LRP1B: variants seen among roughly 807,000 people sequenced by gnomAD.
LRP1B encodes the protein LDL receptor related protein 1B.
LRP1B carries 217 observed loss-of-function variants against 556.6 expected under a neutral mutation model. That is an observed-to-expected ratio of 0.39 (90% CI 0.35 to 0.44). LRP1B has a LOEUF of 0.44. LRP1B is among the 20% of genes least tolerant of loss of function. The pLI is 1.00. For synonymous variants in LRP1B, 2,047 were observed against 1,865.8 expected (o/e 1.10, Z -2.50); for missense variants, 5,053 against 5,620.8 (o/e 0.90, Z 3.23).
intron 2 of LRP1B, among the ~76,000 whole-genome samples, chr2:141,583,563 C>T (rs1687025065): frequency 6.6e-6 from 1 of 151,756 alleles, no homozygotes; most frequent in Non-Finnish European, 1.5e-5. Flanking sequence ...ATGAAGTTGA[C>T]TCTGATAAAT....
At chr2:141,766,051 C>G (rs1694722394) in intron 2 of LRP1B, among the ~76,000 whole-genome samples, 1 of 152,070 alleles carries the variant, frequency 6.6e-6, no homozygotes, top group South Asian at 2.1e-4. Flanking sequence ...TATACCATGC[C>G]CTCAGTTGCT....
intron 3 of LRP1B, among the ~76,000 whole-genome samples, chr2:141,447,526 G>A (rs774355961): frequency 6.6e-6 from 1 of 152,096 alleles, no homozygotes; most frequent in Non-Finnish European, 1.5e-5. Flanking sequence ...TTTTGCACTG[G>A]TGTTTCCTCA....
intron 1 of LRP1B, among the ~76,000 whole-genome samples, chr2:141,949,358 T>C (rs903249237): frequency 6.6e-6 from 1 of 152,174 alleles, no homozygotes; most frequent in Non-Finnish European, 1.5e-5. Context: ...TGTGTAGGCA[T>C]GGATTTAAAA....
chr2:141,958,773 C>T (rs1355419116), intron 1 of LRP1B, among the ~76,000 whole-genome samples: 1 of 151,958 alleles, frequency 6.6e-6, no homozygotes, highest in African/African-American at 2.4e-5. Flanking sequence ...ATCTGAATGT[C>T]AGAATGAATT....
chr2:142,009,399 T>C (rs1574588952), intron 1 of LRP1B, among the ~76,000 whole-genome samples: 1 of 152,280 alleles, frequency 6.6e-6, no homozygotes, highest in East Asian at 1.9e-4. Context: ...GATAAAGTAG[T>C]TGACTCTTGC....
At chr2:141,307,130 T>A (rs1686621795) in intron 3 of LRP1B, among the ~76,000 whole-genome samples, 1 of 152,128 alleles carries the variant, frequency 6.6e-6, no homozygotes, top group South Asian at 2.1e-4. Context: ...TTTGGTCTAA[T>A]GTGCAGTTTA....
At chr2:140,506,992 A>T in intron 52 of LRP1B, 74 bp from the exon 53 acceptor site, 1 of 1,445,702 alleles carries the variant, frequency 6.9e-7, no homozygotes, top group Non-Finnish European at 9.3e-7. Context: ...GAGCTTGGGG[A>T]ATATATAAAA....
intron 1 of LRP1B, among the ~76,000 whole-genome samples, chr2:142,022,944 G>A (rs1021342660): frequency 3.9e-5 from 6 of 152,048 alleles, no homozygotes; most frequent in Non-Finnish European, 7.4e-5. Flanking sequence ...CAAAGTGCTG[G>A]GATTACAGGC....
intron 1 of LRP1B, among the ~76,000 whole-genome samples, chr2:141,879,572 C>T (rs549018819): frequency 6.6e-6 from 1 of 151,714 alleles, no homozygotes; most frequent in Non-Finnish European, 1.5e-5. Context: ...GTCACAGAAA[C>T]TTTCAATAGA....
intron 27 of LRP1B, among the ~76,000 whole-genome samples, chr2:140,864,391 A>G (rs1416198264): frequency 6.6e-6 from 1 of 152,082 alleles, no homozygotes; most frequent in Non-Finnish European, 1.5e-5. Flanking sequence ...AGGAGGTAAA[A>G]TTTGAGCTAG....
chr2:140,814,918 T>C (rs1691057624), intron 31 of LRP1B, among the ~76,000 whole-genome samples: 1 of 152,140 alleles, frequency 6.6e-6, no homozygotes, highest in Non-Finnish European at 1.5e-5. Flanking sequence ...TACTTTTTGT[T>C]TGCTAAAGGT....
At chr2:141,677,243 T>C (rs537114893) in intron 2 of LRP1B, among the ~76,000 whole-genome samples, 1 of 152,154 alleles carries the variant, frequency 6.6e-6, no homozygotes, top group South Asian at 2.1e-4. Flanking sequence ...TGAAAGTCAT[T>C]TGGAATTTTA....
chr2:141,845,925 C>T (rs550960465), intron 1 of LRP1B, among the ~76,000 whole-genome samples: 1 of 151,240 alleles, frequency 6.6e-6, no homozygotes, highest in South Asian at 2.1e-4. Flanking sequence ...TGTTGAACAG[C>T]AGAACAGATT....
chr2:141,836,173 A>G (rs1370475144), intron 1 of LRP1B, among the ~76,000 whole-genome samples: 1 of 151,928 alleles, frequency 6.6e-6, no homozygotes, highest in Non-Finnish European at 1.5e-5. Context: ...CTTAAAACTG[A>G]TGGCAACTTC....
At chr2:140,623,249 C>T (rs1683520974) in intron 41 of LRP1B, among the ~76,000 whole-genome samples, 1 of 152,130 alleles carries the variant, frequency 6.6e-6, no homozygotes, top group Non-Finnish European at 1.5e-5. Context: ...GACCAATTTG[C>T]TTGTAACTAC....
chr2:140,450,957 G>T (rs1310843188), intron 62 of LRP1B, among the ~76,000 whole-genome samples: 1 of 152,122 alleles, frequency 6.6e-6, no homozygotes, highest in Non-Finnish European at 1.5e-5. Flanking sequence ...TGGCTTGTTG[G>T]TCGAGATAGG....
chr2:140,439,784 A>AAT (rs889627351), intron 66 of LRP1B, among the ~76,000 whole-genome samples: 36 of 152,156 alleles, frequency 2.4e-4, no homozygotes, highest in African/African-American at 7.5e-4. Context: ...CCATAGATTG[A>AAT]ATATTCGTTG....
At chr2:141,534,050 A>G (rs1180833210) in intron 2 of LRP1B, among the ~76,000 whole-genome samples, 2 of 149,956 alleles carry the variant, frequency 1.3e-5, no homozygotes, top group Non-Finnish European at 3.0e-5. Context: ...AAAGAGAAAG[A>G]GAGTGTGAGA....
rs1680796587 is a variant in LRP1B, at chr2:140,238,205, C to T, written c.13507G>A (p.Asp4503Asn). Residue 4503 changes from aspartate (D) to asparagine (N), a missense_variant, in exon 89 of 91, where the codon GAT becomes AAT. This residue lies in a region of LRP1B where 551 missense variants were observed against 592.0 expected (regional missense o/e 0.93). Transcript: ENST00000389484. ...TCTAAAAGACCTCCATCGTTGTGAT[C>T]ATGATCTACCTCATACATGTTATAA... ...PSYNMYEVDH[D>N]HNDGGLLDPG... The T allele has an allele frequency of 6.2e-7, 1 of 1,605,130 alleles. No homozygotes were observed. The highest frequency in any genetic ancestry group is 8.5e-7 in the Non-Finnish European group (1 of 1,174,120).
Sources: gnomAD v4.1 joint callset for allele counts (sites outside exome capture counted in the v4.1 genomes callset) on GRCh38, gnomAD v4.1.1 for gene constraint, gnomAD v4.1.1 regional missense constraint, MANE v1.5 for transcripts, NCBI Gene and HGNC (gene_info 2026-07-23, HGNC 2026-07-21) for gene names.